The following TRIM7 variants were observed in gnomAD, a reference collection of about 807,000 sequenced individuals.
TRIM7 encodes the protein tripartite motif containing 7.
In TRIM7, 32 loss-of-function variants were observed where a neutral mutation model predicts 37.9. The ratio of observed to expected loss-of-function variants is 0.84; its 90% CI spans 0.64 to 1.13. The LOEUF (loss-of-function observed/expected upper bound fraction) is 1.13, where lower values mean the gene tolerates loss of function less well. TRIM7 is among the 50% of genes most tolerant of loss of function. The pLI is 0.00. For synonymous variants in TRIM7, 351 were observed against 321.3 expected (o/e 1.09, Z -0.99); for missense variants, 732 against 714.0 (o/e 1.03, Z -0.29).
intron 6 of TRIM7, chr5:181,195,928 A>G (rs1056620546): frequency 6.0e-5 from 26 of 433,386 alleles, no homozygotes; most frequent in South Asian, 2.8e-4. Flanking sequence ...TTGAACCCCA[A>G]TTCAACAGAT....
chr5:181,198,546 G>A lies in TRIM7; in HGVS notation c.988+144C>T, dbSNP rs548979476. The A allele has an allele frequency of 1.1e-4, 77 of 689,322 alleles. 1 individual carries two copies. In the South Asian group the frequency reaches 1.2e-3, roughly 10 times the overall value. The allele number at this position is 689,322 out of a possible 1,614,324, so 42.7% of individuals were successfully genotyped here. A position where few individuals can be genotyped will look rare whatever the true frequency, so the allele number is the denominator to read the frequency against. ...GGGCCTGACTAGATTTGCCACCACA[G>A]CCCCTACACCAATCTGGCCATGGCA... On this transcript the variant is annotated intron_variant, in intron 5 of 6. Coordinates refer to ENST00000274773, the MANE Select transcript of TRIM7 (RefSeq NM_203293.3).
At chr5:181,200,410 T>TAA in intron 2 of TRIM7, 1 of 1,349,820 alleles carries the variant, frequency 7.4e-7, no homozygotes, top group Non-Finnish European at 9.5e-7. Flanking sequence ...GCAGAAGGGA[T>TAA]AAATTAGTGC....
chr5:181,200,345 G>A, intron 2 of TRIM7: 2 of 1,419,132 alleles, frequency 1.4e-6, no homozygotes, highest in South Asian at 3.1e-5. Context: ...CTAAACCAAG[G>A]CAGCTTCATA....
At position 181,195,774 on chromosome 5, in the gene TRIM7, C is replaced by G. The variant is rs532320674; in HGVS notation, c.1025-97G>C. ...CGACCTTGCTTTGCAACCTGCCTGC[C>G]TTTCCCTCTAGAATCCCCCCAGCAC... On this transcript the variant is annotated intron_variant, in intron 6 of 6. Coordinates refer to ENST00000274773, the MANE Select transcript of TRIM7 (RefSeq NM_203293.3). 6.2e-6 allele frequency: 9 copies of G among 1,453,470 alleles called. No individual in the cohort carries two copies. In the Admixed American group the frequency reaches 1.8e-4, roughly 30 times the overall value. The allele number at this position is 1,453,470 out of a possible 1,614,324, so 90.0% of individuals were successfully genotyped here. A position where few individuals can be genotyped will look rare whatever the true frequency, so the allele number is the denominator to read the frequency against.
rs2113048505 is a variant in TRIM7, at chr5:181,195,380, T to C, written c.1322A>G (p.Gln441Arg). The change falls in exon 7 of 7, where the codon CAG (glutamine) becomes CGG (arginine). Residue 441 changes from glutamine to arginine, a missense_variant. Gln to Arg is a conservative substitution (Grantham distance 43). Transcript: ENST00000274773. ...CTCGGGGCTGGTCACGGCCCAGTAC[T>C]GGCCGCCGTTGAGCTGCAGGGCCCA... The part of the protein sequence containing the change: ...GVWALQLNGG[Q>R]YWAVTSPERS... 6.3e-7 allele frequency: 1 copy of C among 1,580,820 alleles called. No homozygotes were observed. The highest frequency in any genetic ancestry group is 8.6e-7 in the Non-Finnish European group (1 of 1,163,616).
intron 6 of TRIM7, chr5:181,196,620 G>A (rs1206789863): frequency 2.0e-5 from 3 of 152,266 alleles, no homozygotes; most frequent in Non-Finnish European, 4.4e-5. Context: ...GGGAGGCTGA[G>A]GCATGAGAAT....
In TRIM7 at chr5:181,205,115, G is replaced by A. The variant is rs1348754094; in HGVS notation, c.-5C>T. The A allele has an allele frequency of 3.0e-6, 4 of 1,312,192 alleles. No homozygotes were observed. Among genetic ancestry groups the A allele is most frequent in the Non-Finnish European group, 2.9e-6 (3 of 1,031,626 alleles). 81.3% of individuals were successfully genotyped at this position (1,312,192 alleles called of 1,614,324 possible). A position where few individuals can be genotyped will look rare whatever the true frequency, so the allele number is the denominator to read the frequency against. On this transcript the variant is annotated 5_prime_UTR_variant, in exon 1 of 7. Transcript: ENST00000274773. ...CCGCGGTCCCACAGCCGCCATGCGCGCTCTCCGCGCACCCAGATCTGGTCG... is the reference window on the plus strand; with the variant it reads ...CCGCGGTCCCACAGCCGCCATGCGCACTCTCCGCGCACCCAGATCTGGTCG...
At position 181,195,362 on chromosome 5, in the gene TRIM7, C is replaced by T. The variant is rs754340485; in HGVS notation, c.1340G>A (p.Ser447Asn). 3.8e-6 allele frequency: 6 copies of T among 1,579,616 alleles called. No homozygotes were observed. Among genetic ancestry groups the T allele is most frequent in the Non-Finnish European group, 5.2e-6 (6 of 1,163,324 alleles). Residue 447 changes from serine to asparagine, a missense_variant, in exon 7 of 7, where the codon AGC becomes AAC. Coordinates refer to ENST00000274773, the MANE Select transcript of TRIM7 (RefSeq NM_203293.3). ...GCAGCTGAGGGGCGACCGCTCGGGG[C>T]TGGTCACGGCCCAGTACTGGCCGCC... ...LNGGQYWAVTSPERSPLSCGH... is the reference protein window; with the variant it reads ...LNGGQYWAVTNPERSPLSCGH...
intron 3 of TRIM7, 107 bp from the exon 4 acceptor site, chr5:181,199,224 A>G (rs2391740): frequency 0.11 from 150,961 of 1,347,044 alleles, 18,444 homozygotes; most frequent in African/African-American, 0.6. Flanking sequence ...AGCATAAGCA[A>G]GTGTGCCACG....
chr5:181,195,826 A>AGCGCCAAGG, intron 6 of TRIM7, 149 bp from the exon 7 acceptor site: 1 of 941,010 alleles, frequency 1.1e-6, no homozygotes, highest in Non-Finnish European at 1.5e-6. Context: ...ACCAACCCCC[A>AGCGCCAAGG]CGCTCTGCCT....
At position 181,199,767 on chromosome 5, in the gene TRIM7, C is replaced by A. The variant is rs559015142; in HGVS notation, c.849+84G>T. ...TCCAGATCATGTGATTCTCCTAGAC[C>A]CCCCAGGACTGACACTGTTCTCTAG... On this transcript the variant is annotated intron_variant, in intron 3 of 6. Transcript: ENST00000274773. 51 of 1,474,312 alleles carry A rather than the reference C, an allele frequency of 3.5e-5. No individual in the cohort carries two copies. The East Asian group carries it at 1.1e-3, about 32-fold the overall frequency. 91.3% of individuals were successfully genotyped at this position (1,474,312 alleles called of 1,614,324 possible).
chr5:181,196,887 AG>A (rs1757157044), intron 6 of TRIM7: 3 of 152,200 alleles, frequency 2.0e-5, no homozygotes, highest in Admixed American at 2.0e-4. Flanking sequence ...GGCCAGGTGT[AG>A]AGGCTCATGC....
intron 6 of TRIM7, 137 bp downstream of exon 6, chr5:181,198,046 G>C: frequency 1.2e-6 from 1 of 822,540 alleles, no homozygotes; most frequent in Admixed American, 2.1e-5. Context: ...GTGGGGGAGG[G>C]GACAGAGGAA....
chr5:181,198,881 G>A, intron 4 of TRIM7, 76 bp from the exon 5 acceptor site: 1 of 1,260,596 alleles, frequency 7.9e-7, no homozygotes, highest in East Asian at 2.3e-5. Flanking sequence ...AGGATGGCGA[G>A]GTCCTCTTGG....
chr5:181,205,112 C>A lies in TRIM7; in HGVS notation c.-2G>T, dbSNP rs1164842266. The A allele has an allele frequency of 2.3e-6, 3 of 1,312,890 alleles. No individual in the cohort carries two copies. In the South Asian group the frequency reaches 6.1e-5, roughly 27 times the overall value. The allele number at this position is 1,312,890 out of a possible 1,614,324, so 81.3% of individuals were successfully genotyped here. A position where few individuals can be genotyped will look rare whatever the true frequency, so the allele number is the denominator to read the frequency against. ...GGTCCGCGGTCCCACAGCCGCCATG[C>A]GCGCTCTCCGCGCACCCAGATCTGG... On this transcript the variant is annotated 5_prime_UTR_variant, in exon 1 of 7. Coordinates refer to ENST00000274773, the MANE Select transcript of TRIM7 (RefSeq NM_203293.3).
intron 1 of TRIM7, chr5:181,203,875 C>G: frequency 7.7e-7 from 1 of 1,299,624 alleles, no homozygotes; most frequent in Non-Finnish European, 9.8e-7. Context: ...CAAGCTCCGG[C>G]AGCCCTACCC....
In TRIM7 at chr5:181,203,649, G is replaced by T. The variant is rs1757645899; in HGVS notation, c.523-9C>A. 6.2e-7 allele frequency: 1 copy of T among 1,605,214 alleles called. No individual in the cohort carries two copies. Among genetic ancestry groups the T allele is most frequent in the South Asian group, 1.1e-5 (1 of 89,876 alleles). ...CTGGACTCCAAGAGCTCCTGTAGAT[G>T]AAGGGAAACAATGTAAGGTGGGGGT... On this transcript the variant is annotated splice_polypyrimidine_tract_variant and intron_variant, in intron 1 of 6. Transcript: ENST00000274773.
intron 2 of TRIM7, chr5:181,203,135 T>C (rs184147633): frequency 8.8e-6 from 4 of 456,996 alleles, no homozygotes; most frequent in Non-Finnish European, 5.9e-6. Context: ...CACTACTGTT[T>C]TGTTGACAAA....
chr5:181,202,686 C>G (rs1757570957), intron 2 of TRIM7: 1 of 152,060 alleles, frequency 6.6e-6, no homozygotes, highest in Admixed American at 6.6e-5. Flanking sequence ...CCTGCCTCAG[C>G]CTCCGGAGTA....
Sources: gnomAD v4.1 joint callset for allele counts on GRCh38, gnomAD v4.1.1 for gene constraint, MANE v1.5 for transcripts, NCBI Gene and HGNC (gene_info 2026-07-23, HGNC 2026-07-21) for gene names.